VWCE: variants seen among roughly 807,000 people sequenced by gnomAD.
The protein encoded by VWCE is von Willebrand factor C and EGF domain-containing protein.
Under a neutral mutation model 102.9 loss-of-function variants are expected in VWCE, and 68 were observed. The observed-to-expected ratio is 0.66, with a 90% CI of 0.54 to 0.81. The LOEUF (loss-of-function observed/expected upper bound fraction) is 0.81, where lower values mean the gene tolerates loss of function less well. VWCE is among the 30% of genes least tolerant of loss of function. The pLI is 0.00. For synonymous variants in VWCE, 497 were observed against 515.4 expected (o/e 0.96, Z 0.48); for missense variants, 1,137 against 1,263.6 (o/e 0.90, Z 1.52).
Position 61,281,932 on chromosome 11 carries a change from T to G in VWCE, c.659-18A>C. ...GTTTACATCTGCGGGAGAGCCTCGC[T>G]GCGGACAGCTGCTTTGTTTGGGCTA... On this transcript the variant is annotated intron_variant, in intron 6 of 19. Coordinates refer to ENST00000335613, the MANE Select transcript of VWCE (RefSeq NM_152718.2). 11 of 1,605,758 alleles carry G rather than the reference T, an allele frequency of 6.9e-6. No individual in the cohort carries two copies. Among genetic ancestry groups the G allele is most frequent in the Non-Finnish European group, 9.4e-6 (11 of 1,174,320 alleles).
At position 61,288,315 on chromosome 11, in the gene VWCE, G is replaced by A. The variant is rs149353722; in HGVS notation, c.425-1885C>T. On this transcript the variant is annotated intron_variant, in intron 4 of 19. Coordinates refer to ENST00000335613, the MANE Select transcript of VWCE (RefSeq NM_152718.2). Reference sequence around the variant, plus strand: ...TCATGCTTCATGCCATCCCTTCCCTGCCAAAGATCCGCAGCAGCTTCTGAG... The same window carrying A: ...TCATGCTTCATGCCATCCCTTCCCTACCAAAGATCCGCAGCAGCTTCTGAG... Among the ~76,000 whole-genome samples, 9 of 152,156 alleles carry A rather than the reference G, an allele frequency of 5.9e-5. No homozygotes were observed. The East Asian group carries it at 1.7e-3, about 29-fold the overall frequency.
chr11:61,262,109 AT>A (rs1356961697), intron 19 of VWCE, among the ~76,000 whole-genome samples: 1 of 152,150 alleles, frequency 6.6e-6, no homozygotes, highest in Non-Finnish European at 1.5e-5. Flanking sequence ...GTGCACCAAC[AT>A]GCCCGGCTAA....
chr11:61,287,939 A>G (rs1855384483), intron 4 of VWCE, among the ~76,000 whole-genome samples: 1 of 151,944 alleles, frequency 6.6e-6, no homozygotes, highest in African/African-American at 2.4e-5. Context: ...GTGGATCACG[A>G]GGTCAGGAGA....
chr11:61,285,969 G>C (rs1855306753), intron 5 of VWCE, among the ~76,000 whole-genome samples: 1 of 152,160 alleles, frequency 6.6e-6, no homozygotes, highest in Admixed American at 6.5e-5. Flanking sequence ...GGCCAGGCTG[G>C]TCTCAAACTC....
rs772969216 is a variant in VWCE at position 61,291,482 on chromosome 11, G to C, written c.205C>G (p.Pro69Ala). The C allele has an allele frequency of 6.4e-7, 1 of 1,555,488 alleles. No homozygotes were observed. The highest frequency in any genetic ancestry group is 1.2e-5 in the South Asian group (1 of 84,304). The change falls in exon 2 of 20, where the codon CCC becomes GCC. Residue 69 changes from proline (P) to alanine (A), a missense_variant and splice_region_variant. Physicochemically the swap from Pro to Ala is conservative, Grantham distance 27 (BLOSUM62 -1). Transcript: ENST00000335613. ...PSMGGGHCTL[P>A]LCSFGCGSGI... ...TTGGGGCACAGGGACAAGCACTTAC[G>C]CAGGGTGCAGTGCCCACCACCCATA...
intron 11 of VWCE, among the ~76,000 whole-genome samples, chr11:61,275,758 C>T (rs1327635013): frequency 6.6e-6 from 1 of 152,136 alleles, no homozygotes; most frequent in Admixed American, 6.5e-5. Context: ...CAGCAGGGAA[C>T]ATCCATGACA....
At chr11:61,288,987 C>T (rs1266317113) in intron 4 of VWCE, among the ~76,000 whole-genome samples, 3 of 149,706 alleles carry the variant, frequency 2.0e-5, no homozygotes, top group Non-Finnish European at 4.5e-5. Flanking sequence ...TACAGGCACC[C>T]GCCACCACAC....
At position 61,295,156 on chromosome 11, in the gene VWCE, A is replaced by C; in HGVS notation, c.-119T>G. 1 of 570,900 alleles carries C rather than the reference A, an allele frequency of 1.8e-6. No homozygotes were observed. Among genetic ancestry groups the C allele is most frequent in the Non-Finnish European group, 2.7e-6 (1 of 377,006 alleles). The allele number at this position is 570,900 out of a possible 1,614,324, so 35.4% of individuals were successfully genotyped here. ...TGGGGAGCGAACCAGCGATCCCCGA[A>C]ATGGCACGCAGAGCTGAGCAGGGGG... On this transcript the variant is annotated 5_prime_UTR_variant, in exon 1 of 20. It adds an upstream start codon to the 5' untranslated region. Transcript: ENST00000335613. The surrounding 1 kb of genome is among the most constrained non-coding windows in gnomAD (Gnocchi z 4.6).
chr11:61,277,712 C>A, intron 10 of VWCE, among the ~76,000 whole-genome samples: 1 of 152,192 alleles, frequency 6.6e-6, no homozygotes, highest in East Asian at 1.9e-4. Context: ...ACCTCCCACC[C>A]TCTGTCTTTT....
At chr11:61,293,440 G>T (rs12270770) in intron 1 of VWCE, among the ~76,000 whole-genome samples, 8,837 of 149,966 alleles carry the variant, frequency 0.059, 851 homozygotes, top group African/African-American at 0.2. Flanking sequence ...AAAAAAGTAG[G>T]GCAGCCAGCA....
chr11:61,283,851 C>T (rs1363965093), intron 5 of VWCE, among the ~76,000 whole-genome samples: 1 of 152,216 alleles, frequency 6.6e-6, no homozygotes, highest in African/African-American at 2.4e-5. Flanking sequence ...GTGGAACCTC[C>T]TCTGTAAAAG....
chr11:61,286,421 T>C lies in VWCE; in HGVS notation c.434A>G (p.Glu145Gly). 1 of 1,612,074 alleles carries C rather than the reference T, an allele frequency of 6.2e-7. No individual in the cohort carries two copies. The change falls in exon 5 of 20, where the codon GAA (glutamate) becomes GGA (glycine). Residue 145 changes from glutamate to glycine, a missense_variant. Transcript: ENST00000335613. ...GCCCTCGCAGGAGGAGGTTACACATTCGTCAATGTCTGGAAAGACAGAAAG... is the reference window on the plus strand; with the variant it reads ...GCCCTCGCAGGAGGAGGTTACACATCCGTCAATGTCTGGAAAGACAGAAAG... ...AVGIRCTDID[E>G]CVTSSCEGHC...
At chr11:61,287,396 G>C (rs118160936) in intron 4 of VWCE, among the ~76,000 whole-genome samples, 1 of 152,216 alleles carries the variant, frequency 6.6e-6, no homozygotes, top group Non-Finnish European at 1.5e-5. Context: ...CTGGCCCTCA[G>C]GGCAACCCCA....
intron 4 of VWCE, 106 bp from the exon 5 acceptor site, chr11:61,286,536 C>A: frequency 9.6e-7 from 1 of 1,040,048 alleles, no homozygotes; most frequent in East Asian, 2.5e-5. Context: ...GGCATGGTGG[C>A]TCACGCCTGT....
At chr11:61,274,967 G>A (rs1054935164) in intron 11 of VWCE, among the ~76,000 whole-genome samples, 23 of 152,132 alleles carry the variant, frequency 1.5e-4, no homozygotes, top group African/African-American at 5.1e-4. Flanking sequence ...GGAGGCTGAG[G>A]CAGGAGGATG....
intron 10 of VWCE, among the ~76,000 whole-genome samples, chr11:61,277,166 AAAG>A (rs1854953534): frequency 7.1e-6 from 1 of 141,212 alleles, no homozygotes; most frequent in South Asian, 2.6e-4. Flanking sequence ...AAGAGAGAAA[AAAG>A]GAGGGAGGGA....
chr11:61,277,202 T>C (rs573577881), intron 10 of VWCE, among the ~76,000 whole-genome samples: 4 of 151,382 alleles, frequency 2.6e-5, no homozygotes, highest in Non-Finnish European at 5.9e-5. Flanking sequence ...ACTTGACTGC[T>C]GTGCTTTCAT....
At position 61,278,383 on chromosome 11, in the gene VWCE, G is replaced by A; in HGVS notation, c.1407+11C>T. 1 of 1,614,026 alleles carries A rather than the reference G, an allele frequency of 6.2e-7. No homozygotes were observed. The highest frequency in any genetic ancestry group is 8.5e-7 in the Non-Finnish European group (1 of 1,179,960). ...ACACCCACGAGGCTTTGAGGATCTT[G>A]TGACGCTTACCAGACAGACACAGAC... On this transcript the variant is annotated intron_variant, in intron 10 of 19. Coordinates refer to ENST00000335613, the MANE Select transcript of VWCE (RefSeq NM_152718.2).
Position 61,280,941 on chromosome 11 carries a change from T to C in VWCE, c.1082A>G (p.Gln361Arg). The change falls in exon 8 of 20, where the codon CAG (glutamine) becomes CGG (arginine). Residue 361 changes from glutamine (Q) to arginine (R), a missense_variant. Physicochemically the swap from Gln to Arg is conservative, Grantham distance 43. Coordinates refer to ENST00000335613, the MANE Select transcript of VWCE (RefSeq NM_152718.2). ...LGNLRPPSLL[Q>R]GEVMGTPSSP... ...GGAAGGGGTCCCCATCACCTCCCCCTGAAGGAGTGAGGGGGGTCTGAGGTT... is the reference window on the plus strand; with the variant it reads ...GGAAGGGGTCCCCATCACCTCCCCCCGAAGGAGTGAGGGGGGTCTGAGGTT... 1 of 1,530,422 alleles carries C rather than the reference T, an allele frequency of 6.5e-7. No homozygotes were observed. Among genetic ancestry groups the C allele is most frequent in the Non-Finnish European group, 8.8e-7 (1 of 1,141,140 alleles). 94.8% of individuals were successfully genotyped at this position (1,530,422 alleles called of 1,614,324 possible).
Sources: allele counts gnomAD v4.1 joint callset (sites outside exome capture counted in the v4.1 genomes callset), GRCh38; gene constraint gnomAD v4.1.1; non-coding constraint Gnocchi (gnomAD v3.1); transcripts MANE v1.5; gene names NCBI Gene and HGNC (gene_info 2026-07-23, HGNC 2026-07-21).